SCNN1A: variants seen among roughly 807,000 people sequenced by gnomAD.
The protein encoded by SCNN1A is epithelial sodium channel subunit alpha.
In SCNN1A, 65 loss-of-function variants were observed where a neutral mutation model predicts 68.6. The ratio of observed to expected loss-of-function variants is 0.95; its 90% CI spans 0.78 to 1.16. SCNN1A has a LOEUF of 1.16. Ranked by LOEUF, SCNN1A falls within the 50% of genes most tolerant of loss-of-function variation. The probability of loss-of-function intolerance (pLI) is 0.00; values close to 1 mark genes in which losing one functional copy is unlikely to be tolerated. For missense variants in SCNN1A, 880 were observed against 865.9 expected (o/e 1.02, Z -0.20); for synonymous variants, 357 against 353.3 (o/e 1.01, Z -0.12).
chr12:6,373,663 A>G (rs537346982), intron 2 of SCNN1A, among the ~76,000 whole-genome samples: 33 of 152,166 alleles, frequency 2.2e-4, no homozygotes, highest in Non-Finnish European at 4.4e-4. Flanking sequence ...ATGAAACCCA[A>G]AAGTTCAGGA....
rs936754965 is a variant in SCNN1A, at chr12:6,363,726, GA to G, written c.417-17del. The G allele has an allele frequency of 3.2e-6, 5 of 1,586,654 alleles. No homozygotes were observed. Among genetic ancestry groups the G allele is most frequent in the Non-Finnish European group, 4.3e-6 (5 of 1,166,244 alleles). On this transcript the variant is annotated splice_polypyrimidine_tract_variant and intron_variant, in intron 2 of 12. Coordinates refer to ENST00000228916, the MANE Select transcript of SCNN1A (RefSeq NM_001038.6). The stretch of plus-strand genomic sequence containing the variant: ...TTCCGGGTACCTGAAGGGGCGAGGG[GA>G]AGAGGGTCAGGCCAGGGGCCCTGGA...
chr12:6,347,915 A>G lies in SCNN1A; in HGVS notation c.1968T>C (p.Ser656=), dbSNP rs1047704677. The G allele has an allele frequency of 1.3e-6, 2 of 1,596,030 alleles. No individual in the cohort carries two copies. The highest frequency in any genetic ancestry group is 1.7e-6 in the Non-Finnish European group (2 of 1,170,882). The change falls in exon 13 of 13, where the codon TCT becomes TCC. Residue 656 remains serine (S), a synonymous_variant. Coordinates refer to ENST00000228916, the MANE Select transcript of SCNN1A (RefSeq NM_001038.6). ...GACAGGTGGAGGAACTGGCCCCTGC[A>G]GAGCCCCCTGGAGATGGGCGGGGGC... The part of the protein sequence containing the change: ...TLGPRPSPGG[S]AGASSSTCPL...
At position 6,348,158 on chromosome 12, in the gene SCNN1A, G is replaced by A; in HGVS notation, c.1725C>T (p.Asp575=). The A allele has an allele frequency of 1.2e-6, 2 of 1,614,174 alleles. No homozygotes were observed. The highest frequency in any genetic ancestry group is 2.2e-5 in the East Asian group (1 of 44,880). ...SVVEMAELVF[D]LLVIMFLMLL... is the part of the protein sequence containing the mutation. ...GCATGAGGAACATGATGACCAGCAG[G>A]TCAAAGACGAGCTCAGCCATCTCCA... The change falls in exon 13 of 13, where the codon GAC becomes GAT. Residue 575 remains aspartate, a synonymous_variant. Transcript: ENST00000228916.
In SCNN1A at chr12:6,348,196, C is replaced by A. The variant is rs1948297683; in HGVS notation, c.1687G>T (p.Val563Leu). 4 of 1,614,156 alleles carry A rather than the reference C, an allele frequency of 2.5e-6. No individual in the cohort carries two copies. Among genetic ancestry groups the A allele is most frequent in the Non-Finnish European group, 3.4e-6 (4 of 1,180,024 alleles). The change falls in exon 13 of 13, where the codon GTG becomes TTG. Residue 563 changes from valine (V) to leucine (L), a missense_variant. Physicochemically the swap from Val to Leu is conservative, Grantham distance 32. Around this residue, in one of 3 missense-constraint regions of SCNN1A, gnomAD observed 758 missense variants for 721.8 expected, o/e 1.05. Coordinates refer to ENST00000228916, the MANE Select transcript of SCNN1A (RefSeq NM_001038.6). ...SQWSLWFGSS[V>L]LSVVEMAELV... ...TCAGCCATCTCCACCACAGACAACA[C>A]CGAGGAGCCGAACCACAGGCTCCAC... is the stretch of plus-strand genomic sequence containing the variant.
rs746962921 is a variant in SCNN1A, at chr12:6,348,185, C to T, written c.1698G>A (p.Val566=). The change falls in exon 13 of 13, where the codon GTG becomes GTA. Residue 566 remains valine, a synonymous_variant. Transcript: ENST00000228916. ...CAAAGACGAGCTCAGCCATCTCCAC[C>T]ACAGACAACACCGAGGAGCCGAACC... The part of the protein sequence containing the change: ...SLWFGSSVLS[V]VEMAELVFDL... 1.2e-6 allele frequency: 2 copies of T among 1,614,016 alleles called. No individual in the cohort carries two copies. The highest frequency in any genetic ancestry group is 2.7e-5 in the African/African-American group (2 of 74,892).
At chr12:6,363,232 G>A (rs1948610322) in intron 3 of SCNN1A, among the ~76,000 whole-genome samples, 1 of 151,768 alleles carries the variant, frequency 6.6e-6, no homozygotes, top group African/African-American at 2.4e-5. Flanking sequence ...CAGGGAGGAG[G>A]CCCCAAAAGC....
At chr12:6,369,637 C>G (rs902083898) in intron 2 of SCNN1A, among the ~76,000 whole-genome samples, 1 of 152,198 alleles carries the variant, frequency 6.6e-6, no homozygotes, top group Admixed American at 6.5e-5. Flanking sequence ...TTGAGACCAT[C>G]CTGGCTAACA....
At position 6,363,453 on chromosome 12, in the gene SCNN1A, C is replaced by G. The variant is rs1948617402; in HGVS notation, c.674G>C (p.Gly225Ala). Residue 225 changes from glycine to alanine, a missense_variant, in exon 3 of 13, where the codon GGC becomes GCC. This residue lies in a region of SCNN1A where 758 missense variants were observed against 721.8 expected (regional missense o/e 1.05). Transcript: ENST00000228916. ...CGCTGCGGGCCTCACCAGCTGGAAG[C>G]CGATCTTCCAGTCCTTCCAGTCCAC... ...PQVDWKDWKI[G>A]FQLCNQNKSD... is the part of the protein sequence containing the mutation. 6.3e-7 allele frequency: 1 copy of G among 1,589,876 alleles called. No individual in the cohort carries two copies. Among genetic ancestry groups the G allele is most frequent in the Non-Finnish European group, 8.5e-7 (1 of 1,170,142 alleles).
upstream of SCNN1A, chr12:6,375,791 A>C: frequency 7.2e-7 from 1 of 1,389,398 alleles, no homozygotes; most frequent in Non-Finnish European, 9.3e-7. Flanking sequence ...AACAAGTAGA[A>C]GGATCCTGAG....
At position 6,351,932 on chromosome 12, in the gene SCNN1A, G is replaced by A. The variant is rs1376506004; in HGVS notation, c.1360+2506C>T. On this transcript the variant is annotated intron_variant, in intron 8 of 12. Transcript: ENST00000228916. The surrounding 1 kb of genome is among the most constrained non-coding windows in gnomAD (Gnocchi z 4.2). ...GCACCACCATGCCCAGCTAATTTTTGTAAAGACAGGGTTTCGCCACGTTGC... is the reference window on the plus strand; with the variant it reads ...GCACCACCATGCCCAGCTAATTTTTATAAAGACAGGGTTTCGCCACGTTGC... 6.6e-6 allele frequency among the ~76,000 whole-genome samples: 1 copy of A among 151,906 alleles called. No individual in the cohort carries two copies. Among genetic ancestry groups the A allele is most frequent in the East Asian group, 1.9e-4 (1 of 5,152 alleles).
At chr12:6,348,899 T>C (rs1334965391) in intron 11 of SCNN1A, 51 bp downstream of exon 11, 1 of 1,608,812 alleles carries the variant, frequency 6.2e-7, no homozygotes, top group Non-Finnish European at 8.5e-7. Context: ...TTAGGTCTAT[T>C]TTCCCTCCCA....
intron 8 of SCNN1A, among the ~76,000 whole-genome samples, chr12:6,352,381 C>T (rs1363186052): frequency 6.6e-6 from 1 of 152,180 alleles, no homozygotes. Flanking sequence ...CCTACCAGGG[C>T]TGGAGATCTT....
rs1948488427 is a variant in SCNN1A at position 6,355,864 on chromosome 12, G to A, written c.892C>T (p.His298Tyr). 2.5e-6 allele frequency: 4 copies of A among 1,608,292 alleles called. No individual in the cohort carries two copies. The Admixed American group carries it at 5.0e-5, about 20-fold the overall frequency. ...SCNQANYSHF[H>Y]HPMYGNCYTF... The stretch of plus-strand genomic sequence containing the variant: ...TAGCAGTTTCCATACATCGGGTGGT[G>A]GAAGTGAGAGTAATTCCTTATCAGG... The change falls in exon 5 of 13, where the codon CAC (histidine) becomes TAC (tyrosine). Residue 298 changes from histidine (H) to tyrosine (Y), a missense_variant. His to Tyr is a moderately conservative substitution (Grantham distance 83). Transcript: ENST00000228916.
chr12:6,374,907 G>A lies in SCNN1A; in HGVS notation c.-54-70C>T, dbSNP rs114264117. 5.6e-4 allele frequency: 894 copies of A among 1,610,416 alleles called. 4 individuals carry two copies. In the African/African-American group the frequency reaches 0.011, roughly 20 times the overall value. On this transcript the variant is annotated intron_variant, in intron 1 of 12. Transcript: ENST00000228916. The surrounding 1 kb of genome is among the most constrained non-coding windows in gnomAD (Gnocchi z 6.2). ...CAAGGCTGAGCTCTGGGCCCTGAGT[G>A]CCCTCTCCCATCACCCCTGGAACCC...
chr12:6,353,329 T>C (rs965596447), intron 8 of SCNN1A, among the ~76,000 whole-genome samples: 1 of 152,098 alleles, frequency 6.6e-6, no homozygotes, highest in Non-Finnish European at 1.5e-5. Context: ...CTAAAGCACA[T>C]AAGATGGAAA....
intron 2 of SCNN1A, among the ~76,000 whole-genome samples, chr12:6,368,423 G>T (rs1051133639): frequency 1.3e-5 from 2 of 152,152 alleles, no homozygotes; most frequent in African/African-American, 4.8e-5. Context: ...TTGCTATAAA[G>T]GTAGGTTATA....
intron 2 of SCNN1A, among the ~76,000 whole-genome samples, chr12:6,370,705 G>A (rs947794526): frequency 6.6e-6 from 1 of 152,194 alleles, no homozygotes; most frequent in African/African-American, 2.4e-5. Flanking sequence ...CCACGTCTGG[G>A]GACCACAGGC....
Position 6,363,348 on chromosome 12 carries a change from G to A in SCNN1A, c.684+95C>T, listed in dbSNP as rs1192139537. 5.3e-6 allele frequency: 6 copies of A among 1,134,880 alleles called. No homozygotes were observed. In the African/African-American group the frequency reaches 8.3e-5, roughly 16 times the overall value. The allele number at this position is 1,134,880 out of a possible 1,614,324, so 70.3% of individuals were successfully genotyped here. A position where few individuals can be genotyped will look rare whatever the true frequency, so the allele number is the denominator to read the frequency against. ...AGGCCCCGCGTGGTGTCACTGGGCT[G>A]CGCGGGCGGGTCAGGAAAGGAGCGG... On this transcript the variant is annotated intron_variant, in intron 3 of 12. Transcript: ENST00000228916.
At chr12:6,376,099 G>A, upstream of SCNN1A, 1 of 988,724 alleles carries the variant, frequency 1.0e-6, no homozygotes, top group Non-Finnish European at 1.2e-6. Flanking sequence ...GCCCTCCAAG[G>A]GCACCCACAG....
Sources: gnomAD v4.1 joint callset for allele counts (sites outside exome capture counted in the v4.1 genomes callset) on GRCh38, gnomAD v4.1.1 for gene constraint, gnomAD v4.1.1 regional missense constraint, Gnocchi (gnomAD v3.1) non-coding constraint, MANE v1.5 for transcripts, NCBI Gene and HGNC (gene_info 2026-07-23, HGNC 2026-07-21) for gene names.